The following RYR3 variants were observed in gnomAD, a reference collection of about 807,000 sequenced individuals.
RYR3 encodes ryanodine receptor 3.
RYR3 carries 207 observed loss-of-function variants against 584.3 expected under a neutral mutation model. The observed-to-expected ratio is 0.35, with a 90% CI of 0.32 to 0.40. The LOEUF (loss-of-function observed/expected upper bound fraction) is 0.40. Ranked by LOEUF, RYR3 falls within the 10% of genes least tolerant of loss-of-function variation. RYR3 has a pLI of 1.00. For missense variants in RYR3, 5,616 were observed against 6,089.2 expected (o/e 0.92, Z 2.59); for synonymous variants, 2,416 against 2,248.5 (o/e 1.07, Z -2.11).
intron 27 of RYR3, among the ~76,000 whole-genome samples, chr15:33,639,198 A>G (rs960660071): frequency 2.0e-5 from 3 of 152,222 alleles, no homozygotes; most frequent in African/African-American, 7.2e-5. Flanking sequence ...CCTGTTGTGT[A>G]CAGGGATGTG....
intron 1 of RYR3, among the ~76,000 whole-genome samples, chr15:33,382,347 G>A (rs7178989): frequency 0.19 from 17,226 of 89,774 alleles, 1,166 homozygotes; most frequent in African/African-American, 0.29. Context: ...TTTTTGAGAC[G>A]GAGTCTCGCT....
At chr15:33,429,708 CAT>C (rs767353339) in intron 1 of RYR3, among the ~76,000 whole-genome samples, 4 of 152,140 alleles carry the variant, frequency 2.6e-5, no homozygotes, top group Non-Finnish European at 4.4e-5. Flanking sequence ...TTTACGTAAA[CAT>C]ATTTATTGAG....
chr15:33,848,938 C>G (rs1407831721), intron 94 of RYR3: 1 of 150,664 alleles, frequency 6.6e-6, no homozygotes, highest in Non-Finnish European at 1.5e-5. Context: ...CGGGTTCACG[C>G]CATTCTCCTG....
chr15:33,447,536 A>G (rs561464000), intron 1 of RYR3, among the ~76,000 whole-genome samples: 1 of 152,174 alleles, frequency 6.6e-6, no homozygotes, highest in Non-Finnish European at 1.5e-5. Context: ...CAGAGCAGGC[A>G]TTGGGTTGTG....
intron 2 of RYR3, among the ~76,000 whole-genome samples, chr15:33,497,659 A>G (rs1213475094): frequency 6.6e-6 from 1 of 152,228 alleles, no homozygotes; most frequent in African/African-American, 2.4e-5. Context: ...TACAATATGT[A>G]AGGATCAAAT....
chr15:33,794,006 CATAAATATATATTATAT>C (rs1446519488), intron 67 of RYR3, among the ~76,000 whole-genome samples: 1 of 60,584 alleles, frequency 1.7e-5, no homozygotes, highest in Non-Finnish European at 4.1e-5. Flanking sequence ...ATATAATACA[CATAAATATATATTATAT>C]ATAAATATAT....
intron 72 of RYR3, among the ~76,000 whole-genome samples, chr15:33,812,191 G>T (rs1418966742): frequency 1.3e-5 from 2 of 152,132 alleles, no homozygotes; most frequent in South Asian, 2.1e-4. Flanking sequence ...AACCCAAGTG[G>T]AATAACCACT....
At chr15:33,746,447 C>T (rs1187762472) in intron 53 of RYR3, among the ~76,000 whole-genome samples, 4 of 152,164 alleles carry the variant, frequency 2.6e-5, no homozygotes, top group African/African-American at 9.7e-5. Flanking sequence ...CTGAACTGAA[C>T]CAGGAAGGGG....
chr15:33,332,672 A>G (rs184535986), intron 1 of RYR3, among the ~76,000 whole-genome samples: 17 of 152,300 alleles, frequency 1.1e-4, no homozygotes, highest in Admixed American at 4.6e-4. Context: ...GCATTTGAAA[A>G]TTTAAAAATT....
At chr15:33,814,477 T>G (rs1185457767) in intron 74 of RYR3, among the ~76,000 whole-genome samples, 1 of 152,262 alleles carries the variant, frequency 6.6e-6, no homozygotes, top group Non-Finnish European at 1.5e-5. Flanking sequence ...AAAGGACTAT[T>G]CCTATGCTTG....
intron 23 of RYR3, 47 bp downstream of exon 23, chr15:33,631,340 T>C: frequency 1.6e-6 from 2 of 1,285,406 alleles, no homozygotes; most frequent in Non-Finnish European, 1.1e-6. Flanking sequence ...TGCTTCAGCC[T>C]GGATTTTTAA....
intron 1 of RYR3, among the ~76,000 whole-genome samples, chr15:33,352,121 A>G (rs1193587710): frequency 6.6e-6 from 1 of 152,230 alleles, no homozygotes; most frequent in Non-Finnish European, 1.5e-5. Flanking sequence ...TCTTTAGTGA[A>G]GTGACTGTTC....
intron 1 of RYR3, among the ~76,000 whole-genome samples, chr15:33,441,908 G>T (rs2046261223): frequency 6.6e-6 from 1 of 152,034 alleles, no homozygotes; most frequent in South Asian, 2.1e-4. Flanking sequence ...GATAAGAAGA[G>T]AAAAAACACT....
chr15:33,756,949 T>TA (rs896908503), intron 59 of RYR3, among the ~76,000 whole-genome samples: 7 of 152,136 alleles, frequency 4.6e-5, no homozygotes, highest in African/African-American at 1.4e-4. Flanking sequence ...GACTGGGTGA[T>TA]ACGTTTTCTG....
chr15:33,711,235 ATTTTTTTTTTTTT>A (rs143373949), intron 43 of RYR3, among the ~76,000 whole-genome samples: 1 of 75,790 alleles, frequency 1.3e-5, no homozygotes, highest in South Asian at 5.9e-4. Flanking sequence ...TCTTTCTTTC[ATTTTTTTTTTTTT>A]TTTTTTTTTT....
intron 2 of RYR3, among the ~76,000 whole-genome samples, chr15:33,485,472 T>G (rs1251890611): frequency 6.6e-6 from 1 of 152,110 alleles, no homozygotes; most frequent in African/African-American, 2.4e-5. Context: ...GTGGTCAGTG[T>G]GCAAAATTGC....
chr15:33,861,172 A>G lies in RYR3; in HGVS notation c.14459A>G (p.Asn4820Ser). 1.3e-6 allele frequency: 2 copies of G among 1,583,934 alleles called. No individual in the cohort carries two copies. The highest frequency in any genetic ancestry group is 2.3e-5 in the East Asian group (1 of 44,104). Residue 4820 changes from asparagine (N) to serine (S), a missense_variant, in exon 102 of 104, where the codon AAC (asparagine) becomes AGC (serine). By Grantham distance (46) the Asn-to-Ser change is conservative. Coordinates refer to ENST00000634891, the MANE Select transcript of RYR3 (RefSeq NM_001036.6). ...ACATTACAAGAGCACAACTTAGCCAACTACTTGTGAGTATTCTTGGTTAAC... is the reference window on the plus strand; with the variant it reads ...ACATTACAAGAGCACAACTTAGCCAGCTACTTGTGAGTATTCTTGGTTAAC... ...THTLQEHNLA[N>S]YLFFLMYLIN...
chr15:33,742,483 A>C, intron 52 of RYR3, 39 bp downstream of exon 52: 1 of 1,357,978 alleles, frequency 7.4e-7, no homozygotes, highest in Non-Finnish European at 1.1e-6. Flanking sequence ...TCAGGAAGGA[A>C]AAACAGCCCA....
chr15:33,330,248 A>G (rs1970220694), intron 1 of RYR3, among the ~76,000 whole-genome samples: 1 of 152,168 alleles, frequency 6.6e-6, no homozygotes, highest in African/African-American at 2.4e-5. Flanking sequence ...ACTGTCTTCT[A>G]TTCAGCAATC....
Sources: gnomAD v4.1 joint callset for allele counts (sites outside exome capture counted in the v4.1 genomes callset) on GRCh38, gnomAD v4.1.1 for gene constraint, MANE v1.5 for transcripts, NCBI Gene and HGNC (gene_info 2026-07-23, HGNC 2026-07-21) for gene names.